The following SYT16 variants were observed in gnomAD, a reference collection of about 807,000 sequenced individuals.
SYT16 encodes the protein synaptotagmin 16, also known as synaptotagmin-16.
A neutral mutation model predicts 61.4 loss-of-function variants in SYT16; 42 were observed. That is an observed-to-expected ratio of 0.68 (90% CI 0.53 to 0.89). SYT16 has a LOEUF of 0.89. Ranked by LOEUF, SYT16 falls within the 40% of genes least tolerant of loss-of-function variation. SYT16 has a pLI of 0.00. For missense variants in SYT16, 804 were observed against 807.3 expected (o/e 1.00, Z 0.05); for synonymous variants, 314 against 302.3 (o/e 1.04, Z -0.40).
intron 3 of SYT16, among the ~76,000 whole-genome samples, chr14:62,048,651 T>C (rs2055116135): frequency 6.6e-6 from 1 of 152,230 alleles, no homozygotes; most frequent in Non-Finnish European, 1.5e-5. Flanking sequence ...GCTTTGAATG[T>C]GTCCCAGAGA....
chr14:61,946,343 A>G (rs1047285006), intron 1 of SYT16, among the ~76,000 whole-genome samples: 6 of 152,218 alleles, frequency 3.9e-5, no homozygotes, highest in Admixed American at 3.3e-4. Flanking sequence ...AACAATAAGT[A>G]CACATGGATA....
At chr14:62,039,834 T>TACACACAC (rs71449576) in intron 3 of SYT16, among the ~76,000 whole-genome samples, 6,143 of 124,314 alleles carry the variant, frequency 0.049, 284 homozygotes, top group East Asian at 0.14. Context: ...GGCTTAAGCA[T>TACACACAC]ACACACACAC....
intron 1 of SYT16, among the ~76,000 whole-genome samples, chr14:61,827,696 T>C (rs1036903233): frequency 2.6e-5 from 4 of 152,276 alleles, no homozygotes; most frequent in East Asian, 1.9e-4. Context: ...TTACACACTT[T>C]TGATATTTTA....
At chr14:61,888,771 A>AC (rs1392103615) in intron 1 of SYT16, among the ~76,000 whole-genome samples, 26 of 100,598 alleles carry the variant, frequency 2.6e-4, no homozygotes, top group African/African-American at 7.6e-4. Context: ...TCAATTTGTA[A>AC]AAAAAAAAAA....
intron 1 of SYT16, among the ~76,000 whole-genome samples, chr14:61,893,236 G>C (rs982531575): frequency 6.6e-6 from 1 of 152,232 alleles, no homozygotes; most frequent in Non-Finnish European, 1.5e-5. Flanking sequence ...TAGCCAGGCT[G>C]TTTGGATACA....
intron 3 of SYT16, among the ~76,000 whole-genome samples, chr14:62,069,183 T>C (rs1420554400): frequency 6.6e-6 from 1 of 152,234 alleles, no homozygotes; most frequent in Non-Finnish European, 1.5e-5. Context: ...GCTATGTGTG[T>C]TTTAATAAAT....
chr14:62,039,773 C>T (rs1018606595), intron 3 of SYT16, among the ~76,000 whole-genome samples: 1 of 151,060 alleles, frequency 6.6e-6, no homozygotes, highest in African/African-American at 2.4e-5. Flanking sequence ...TGCACTTCAC[C>T]ACTATATGAG....
At chr14:61,928,867 C>T (rs987651739) in intron 1 of SYT16, among the ~76,000 whole-genome samples, 5 of 152,134 alleles carry the variant, frequency 3.3e-5, no homozygotes, top group African/African-American at 7.2e-5. Flanking sequence ...GATAAAAGCA[C>T]GTCCCAAAGC....
At chr14:62,016,219 T>A (rs1466107014) in intron 3 of SYT16, among the ~76,000 whole-genome samples, 1 of 152,196 alleles carries the variant, frequency 6.6e-6, no homozygotes, top group Non-Finnish European at 1.5e-5. Flanking sequence ...TCAGTTTCCA[T>A]GGCACAGCTC....
At chr14:61,911,869 A>T (rs1290660641) in intron 1 of SYT16, among the ~76,000 whole-genome samples, 2 of 152,214 alleles carry the variant, frequency 1.3e-5, no homozygotes, top group Non-Finnish European at 2.9e-5. Flanking sequence ...GATCTTTAAA[A>T]TAACAGAAAC....
chr14:61,933,297 A>G (rs2049849562), intron 1 of SYT16, among the ~76,000 whole-genome samples: 1 of 152,238 alleles, frequency 6.6e-6, no homozygotes, highest in Non-Finnish European at 1.5e-5. Flanking sequence ...GATTCTGGCT[A>G]TAGAAAGAAG....
chr14:62,086,330 A>G (rs921439855), intron 7 of SYT16, among the ~76,000 whole-genome samples: 1 of 152,114 alleles, frequency 6.6e-6, no homozygotes, highest in African/African-American at 2.4e-5. Context: ...AATAATAAAA[A>G]TTAGCTGAGC....
intron 2 of SYT16, among the ~76,000 whole-genome samples, chr14:61,982,901 T>C (rs886569143): frequency 9.2e-5 from 14 of 152,192 alleles, no homozygotes; most frequent in South Asian, 2.1e-4. Flanking sequence ...AGATACATCC[T>C]GTCTGGAGGA....
intron 1 of SYT16, among the ~76,000 whole-genome samples, chr14:61,941,883 A>G (rs1283225777): frequency 6.6e-6 from 1 of 152,250 alleles, no homozygotes; most frequent in Admixed American, 6.5e-5. Flanking sequence ...TTTGGAAAGT[A>G]TCTGGAGCCA....
At chr14:61,946,244 A>G (rs1485191417) in intron 1 of SYT16, among the ~76,000 whole-genome samples, 1 of 152,208 alleles carries the variant, frequency 6.6e-6, no homozygotes, top group Non-Finnish European at 1.5e-5. Flanking sequence ...TTGCAGCAAC[A>G]TGGATGGAAC....
Position 61,942,217 on chromosome 14 carries a change from A to G in SYT16, c.-324-27915A>G, listed in dbSNP as rs535579488. ...CTTTAAAATCATTTCTTATTTTATA[A>G]TAGTTGATCCTTATAGTCCCTTTTT... On this transcript the variant is annotated intron_variant, in intron 1 of 7. Coordinates refer to ENST00000683842, the MANE Select transcript of SYT16 (RefSeq NM_001367656.1). Among the ~76,000 whole-genome samples the G allele has an allele frequency of 3.9e-5, 6 of 152,328 alleles. No individual in the cohort carries two copies. In the South Asian group the frequency reaches 1.2e-3, roughly 32 times the overall value.
intron 1 of SYT16, among the ~76,000 whole-genome samples, chr14:61,890,167 A>AC (rs1340899342): frequency 6.6e-6 from 1 of 152,192 alleles, no homozygotes; most frequent in Non-Finnish European, 1.5e-5. Flanking sequence ...CTGTGTGGGT[A>AC]CATTGGTGGA....
chr14:62,030,084 G>C (rs560286008), intron 3 of SYT16, among the ~76,000 whole-genome samples: 1 of 152,136 alleles, frequency 6.6e-6, no homozygotes, highest in Non-Finnish European at 1.5e-5. Flanking sequence ...TCCATGAAGA[G>C]GCATCAGGAG....
chr14:61,867,009 A>G (rs370454879), intron 1 of SYT16, among the ~76,000 whole-genome samples: 24 of 151,894 alleles, frequency 1.6e-4, no homozygotes, highest in African/African-American at 5.8e-4. Context: ...TGTTGAGATT[A>G]TCCTTTCCCG....
Sources: allele counts gnomAD v4.1 joint callset (sites outside exome capture counted in the v4.1 genomes callset), GRCh38; gene constraint gnomAD v4.1.1; transcripts MANE v1.5; gene names NCBI Gene and HGNC (gene_info 2026-07-23, HGNC 2026-07-21).